The following LRBA variants were observed in gnomAD, a reference collection of about 807,000 sequenced individuals.
LRBA encodes the protein lipopolysaccharide-responsive and beige-like anchor protein.
Under a neutral mutation model 330.0 loss-of-function variants are expected in LRBA, and 176 were observed. The observed-to-expected ratio is 0.53, with a 90% CI of 0.47 to 0.60. The LOEUF (loss-of-function observed/expected upper bound fraction) is 0.60, where lower values mean the gene tolerates loss of function less well. Among genes scored for constraint, LRBA ranks in the 20% least tolerant of loss-of-function variants. LRBA has a pLI of 0.00. For missense variants in LRBA, 3,259 were observed against 3,444.8 expected, an observed-to-expected ratio of 0.95 and a Z score of 1.35; for synonymous variants, 1,230 against 1,193.0, an observed-to-expected ratio of 1.03 and a Z score of -0.64.
chr4:150,583,445 C>A lies in LRBA; in HGVS notation c.6330+4603G>T. 6.2e-7 allele frequency: 1 copy of A among 1,613,830 alleles called. No homozygotes were observed. The highest frequency in any genetic ancestry group is 8.5e-7 in the Non-Finnish European group (1 of 1,180,028). ...CGTTTCCAGACGCTGGTGGCCCAGG[C>A]GGTGGACAAGTGCAGCTATCGGGAT... On this transcript the variant is annotated intron_variant, in intron 40 of 56. Coordinates refer to ENST00000651943, the MANE Select transcript of LRBA (RefSeq NM_001364905.1). The surrounding 1 kb of genome is among the most constrained non-coding windows in gnomAD (Gnocchi z 9.8).
intron 48 of LRBA, among the ~76,000 whole-genome samples, chr4:150,328,992 C>A (rs1342818122): frequency 6.6e-6 from 1 of 152,156 alleles, no homozygotes. Context: ...ATACCAATCT[C>A]CTCTTTTTAA....
intron 35 of LRBA, among the ~76,000 whole-genome samples, chr4:150,749,387 T>G (rs534016173): frequency 1.3e-5 from 2 of 152,040 alleles, no homozygotes; most frequent in African/African-American, 4.8e-5. Context: ...CTGGGCAACA[T>G]AGAGAGACTC....
intron 2 of LRBA, among the ~76,000 whole-genome samples, chr4:150,975,892 T>C (rs1417467312): frequency 1.3e-5 from 2 of 152,144 alleles, no homozygotes; most frequent in Non-Finnish European, 2.9e-5. Context: ...CCGGGCGCAG[T>C]GGCTCACGCC....
At chr4:150,764,922 T>G (rs529188809) in intron 34 of LRBA, among the ~76,000 whole-genome samples, 1 of 152,190 alleles carries the variant, frequency 6.6e-6, no homozygotes, top group African/African-American at 2.4e-5. Flanking sequence ...TTTTTAGTGT[T>G]TAACCAAGGG....
chr4:150,757,475 G>A (rs1042875510), intron 35 of LRBA, among the ~76,000 whole-genome samples: 1 of 152,026 alleles, frequency 6.6e-6, no homozygotes, highest in African/African-American at 2.4e-5. Flanking sequence ...ATTAATCAAG[G>A]GCAAAATTTA....
At chr4:150,392,860 G>A (rs1192055331) in intron 47 of LRBA, among the ~76,000 whole-genome samples, 5 of 145,664 alleles carry the variant, frequency 3.4e-5, no homozygotes, top group African/African-American at 1.3e-4. Flanking sequence ...GGGGTGGGGG[G>A]CAAGAGGAGG....
rs539917347 is a variant in LRBA at position 150,952,709 on chromosome 4, T to C, written c.217-23644A>G. Among the ~76,000 whole-genome samples the C allele has an allele frequency of 3.3e-5, 5 of 152,254 alleles. No individual in the cohort carries two copies. The South Asian group carries it at 1.0e-3, about 32-fold the overall frequency. On this transcript the variant is annotated intron_variant, in intron 2 of 56. Coordinates refer to ENST00000651943, the MANE Select transcript of LRBA (RefSeq NM_001364905.1). ...ACCTATCTCTCTCTGGTTCTTGGTA[T>C]CTGCATATCTCTTCTTTGAGTGTGT...
intron 28 of LRBA, among the ~76,000 whole-genome samples, chr4:150,835,440 T>C (rs184296478): frequency 2.0e-5 from 3 of 152,348 alleles, no homozygotes; most frequent in Non-Finnish European, 2.9e-5. Context: ...TCCATGAGCA[T>C]GGAATGTTTT....
intron 22 of LRBA, among the ~76,000 whole-genome samples, chr4:150,865,602 C>T (rs1483971431): frequency 6.6e-6 from 1 of 151,996 alleles, no homozygotes; most frequent in Admixed American, 6.6e-5. Flanking sequence ...TAGAAGCATA[C>T]TTTCTCTCAA....
At chr4:150,796,047 C>T (rs995064494) in intron 34 of LRBA, among the ~76,000 whole-genome samples, 2 of 151,850 alleles carry the variant, frequency 1.3e-5, no homozygotes, top group Admixed American at 6.6e-5. Context: ...CCTGATCTTT[C>T]GATCTTTGGC....
At chr4:150,704,371 C>CATTATT (rs914714803) in intron 36 of LRBA, among the ~76,000 whole-genome samples, 1 of 151,252 alleles carries the variant, frequency 6.6e-6, no homozygotes, top group African/African-American at 2.4e-5. Flanking sequence ...TTATTATTAT[C>CATTATT]ATTATTATTA....
chr4:150,831,594 G>T (rs1343632687), intron 29 of LRBA, among the ~76,000 whole-genome samples: 1 of 151,998 alleles, frequency 6.6e-6, no homozygotes, highest in Non-Finnish European at 1.5e-5. Flanking sequence ...AACATTTTCT[G>T]ACTTACATTT....
In LRBA at chr4:150,599,150, G is replaced by GC. The variant is rs757147942; in HGVS notation, c.5922-20dup. 11 of 1,612,742 alleles carry GC rather than the reference G, an allele frequency of 6.8e-6. No individual in the cohort carries two copies. In the South Asian group the frequency reaches 1.1e-4, roughly 16 times the overall value. ...AGGACGACTACAATGAAACAGAGAAGCCACATATGTTAGCAATTATCAAAC... is the reference window on the plus strand; with the variant it reads ...AGGACGACTACAATGAAACAGAGAAGCCCACATATGTTAGCAATTATCAAAC... On this transcript the variant is annotated intron_variant, in intron 37 of 56. Coordinates refer to ENST00000651943, the MANE Select transcript of LRBA (RefSeq NM_001364905.1).
chr4:150,643,406 A>G (rs1031140128), intron 37 of LRBA, among the ~76,000 whole-genome samples: 1 of 152,008 alleles, frequency 6.6e-6, no homozygotes, highest in Non-Finnish European at 1.5e-5. Context: ...ATGGAGGCAC[A>G]TAGATGATAA....
At chr4:150,877,202 G>A (rs1183619622) in intron 17 of LRBA, among the ~76,000 whole-genome samples, 2 of 150,442 alleles carry the variant, frequency 1.3e-5, no homozygotes, top group Admixed American at 6.6e-5. Context: ...AGCTTGCAGT[G>A]AGCAGAGATC....
intron 17 of LRBA, among the ~76,000 whole-genome samples, chr4:150,877,270 A>T (rs975552732): frequency 4.0e-5 from 6 of 151,878 alleles, no homozygotes; most frequent in Admixed American, 3.3e-4. Flanking sequence ...AAAAAAAAAA[A>T]AAAAAGAGAG....
chr4:150,597,735 A>G (rs955701961), intron 38 of LRBA, among the ~76,000 whole-genome samples: 5 of 152,006 alleles, frequency 3.3e-5, no homozygotes, highest in Admixed American at 1.3e-4. Flanking sequence ...AAAAAGAAAA[A>G]AAAACCCTCT....
At chr4:151,001,363 A>T (rs983413720) in intron 2 of LRBA, among the ~76,000 whole-genome samples, 3 of 152,030 alleles carry the variant, frequency 2.0e-5, no homozygotes, top group Admixed American at 2.0e-4. Context: ...CCTGGGAACC[A>T]CCCTGTCCCT....
At chr4:150,422,989 G>T in intron 46 of LRBA, 1 of 781,936 alleles carries the variant, frequency 1.3e-6, no homozygotes, top group African/African-American at 1.7e-5. Flanking sequence ...GTCCAATGGT[G>T]TATAAGTGAC....
Sources: allele counts gnomAD v4.1 joint callset (sites outside exome capture counted in the v4.1 genomes callset), GRCh38; gene constraint gnomAD v4.1.1; non-coding constraint Gnocchi (gnomAD v3.1); transcripts MANE v1.5; gene names NCBI Gene and HGNC (gene_info 2026-07-23, HGNC 2026-07-21).